The following C1QTNF7 variants were observed in gnomAD, a reference collection of about 807,000 sequenced individuals.
C1QTNF7 encodes complement C1q tumor necrosis factor-related protein 7.
A neutral mutation model predicts 19.6 loss-of-function variants in C1QTNF7; 15 were observed. The ratio of observed to expected loss-of-function variants is 0.76; its 90% CI spans 0.51 to 1.18. The LOEUF (loss-of-function observed/expected upper bound fraction) is 1.18. C1QTNF7 is among the 50% of genes most tolerant of loss of function. The probability of loss-of-function intolerance (pLI) is 0.00; values close to 1 mark genes in which losing one functional copy is unlikely to be tolerated. For synonymous variants in C1QTNF7, 142 were observed against 137.5 expected, an observed-to-expected ratio of 1.03 and a Z score of -0.23; for missense variants, 324 against 359.7, an observed-to-expected ratio of 0.90 and a Z score of 0.80.
At chr4:15,434,354 A>G (rs1712443656) in intron 1 of C1QTNF7, among the ~76,000 whole-genome samples, 1 of 152,194 alleles carries the variant, frequency 6.6e-6, no homozygotes, top group Admixed American at 6.6e-5. Context: ...GTCTAATTCC[A>G]AGATGTTGCA....
At chr4:15,389,441 T>C (rs1718471358) in intron 1 of C1QTNF7, among the ~76,000 whole-genome samples, 1 of 152,020 alleles carries the variant, frequency 6.6e-6, no homozygotes, top group Non-Finnish European at 1.5e-5. Context: ...TTTTTTTAGA[T>C]GGAATTTTGC....
chr4:15,429,628 T>C (rs1712218938), intron 1 of C1QTNF7, among the ~76,000 whole-genome samples: 1 of 152,200 alleles, frequency 6.6e-6, no homozygotes, highest in Non-Finnish European at 1.5e-5. Flanking sequence ...TGTTTATCCA[T>C]TCACCTTTCC....
At position 15,387,855 on chromosome 4, in the gene C1QTNF7, A is replaced by C. The variant is rs570585317; in HGVS notation, c.13+47648A>C. Among the ~76,000 whole-genome samples, 185 of 152,350 alleles carry C rather than the reference A, an allele frequency of 1.2e-3. 1 individual carries two copies. Among genetic ancestry groups the C allele is most frequent in the African/African-American group, 4.0e-3 (167 of 41,582 alleles). On this transcript the variant is annotated intron_variant, in intron 1 of 2. Coordinates refer to the C1QTNF7 transcript ENST00000295297. ...TACTATATCTGTATATATTACATAT[A>C]TATAGATATACAGATATATACATTA...
At position 15,442,370 on chromosome 4, in the gene C1QTNF7, A is replaced by G. The variant is rs1712808608; in HGVS notation, c.441A>G (p.Lys147=). The G allele has an allele frequency of 6.2e-7, 1 of 1,614,064 alleles. No individual in the cohort carries two copies. Among genetic ancestry groups the G allele is most frequent in the African/African-American group, 1.3e-5 (1 of 74,934 alleles). Residue 147 remains lysine (K), a synonymous_variant, in exon 3 of 3, where the codon AAA becomes AAG. Transcript: ENST00000444304. ...GCAGATGTGGAAGCATCGTGCTCAA[A>G]TCCGCCTTTTCTGTTGGCATCACAA... ...GVCRCGSIVL[K]SAFSVGITTS... is the part of the protein sequence containing the mutation.
At chr4:15,404,632 T>C (rs1295253122) in intron 1 of C1QTNF7, among the ~76,000 whole-genome samples, 1 of 152,210 alleles carries the variant, frequency 6.6e-6, no homozygotes, top group African/African-American at 2.4e-5. Context: ...CTAGGATCAC[T>C]TAGTATATTC....
intron 1 of C1QTNF7, among the ~76,000 whole-genome samples, chr4:15,370,779 CG>C (rs2109306116): frequency 6.6e-6 from 1 of 152,252 alleles, no homozygotes; most frequent in African/African-American, 2.4e-5. Flanking sequence ...AAAATATTTT[CG>C]TAGGATTTTT....
chr4:15,389,946 G>A (rs879276133), intron 1 of C1QTNF7, among the ~76,000 whole-genome samples: 5 of 152,058 alleles, frequency 3.3e-5, no homozygotes, highest in African/African-American at 7.2e-5. Flanking sequence ...CACAAATCAG[G>A]GTTATTAGTC....
chr4:15,369,580 G>A (rs1717649467), intron 1 of C1QTNF7, among the ~76,000 whole-genome samples: 1 of 152,118 alleles, frequency 6.6e-6, no homozygotes, highest in Non-Finnish European at 1.5e-5. Context: ...ATTTAAGAAT[G>A]ATTTAAAAAG....
In C1QTNF7 at chr4:15,445,862, T is replaced by C. The variant is rs1241583528; in HGVS notation, c.*3063T>C. ...AAGAGTTTAAAGCCACTTAAGAAGA[T>C]AAATAAGATATAAAAAGAAAACAGC... On this transcript the variant is annotated 3_prime_UTR_variant, in exon 3 of 3. Transcript: ENST00000444304. 6.7e-6 allele frequency: 1 copy of C among 150,092 alleles called. No individual in the cohort carries two copies. Among genetic ancestry groups the C allele is most frequent in the Non-Finnish European group, 1.5e-5 (1 of 67,424 alleles). 9.3% of individuals were successfully genotyped at this position (150,092 alleles called of 1,614,324 possible). A position where few individuals can be genotyped will look rare whatever the true frequency, so the allele number is the denominator to read the frequency against.
intron 1 of C1QTNF7, among the ~76,000 whole-genome samples, chr4:15,368,883 C>A (rs887055206): frequency 1.3e-5 from 2 of 152,198 alleles, no homozygotes; most frequent in African/African-American, 4.8e-5. Flanking sequence ...TTCTTTAGGG[C>A]AGATGGTTCA....
At chr4:15,413,688 G>T (rs1007603479) in intron 1 of C1QTNF7, among the ~76,000 whole-genome samples, 1 of 152,182 alleles carries the variant, frequency 6.6e-6, no homozygotes, top group Admixed American at 6.5e-5. Flanking sequence ...TAAAACACAT[G>T]AGCCACAGAA....
intron 1 of C1QTNF7, among the ~76,000 whole-genome samples, chr4:15,359,726 T>C (rs566401322): frequency 9.8e-5 from 15 of 152,292 alleles, no homozygotes; most frequent in African/African-American, 3.1e-4. Flanking sequence ...TCAAAATCCC[T>C]GGAGTTTTCA....
chr4:15,403,670 T>C (rs1719079063), intron 1 of C1QTNF7, among the ~76,000 whole-genome samples: 1 of 152,162 alleles, frequency 6.6e-6, no homozygotes. Context: ...TAAACCCTAT[T>C]TCAAATTAAG....
At chr4:15,420,414 C>A (rs1711693428) in intron 1 of C1QTNF7, among the ~76,000 whole-genome samples, 1 of 152,168 alleles carries the variant, frequency 6.6e-6, no homozygotes, top group Non-Finnish European at 1.5e-5. Flanking sequence ...CAAAGACATG[C>A]ATTTCCTAGT....
chr4:15,425,760 A>G (rs906899124), upstream of C1QTNF7, among the ~76,000 whole-genome samples: 2 of 152,178 alleles, frequency 1.3e-5, no homozygotes, highest in African/African-American at 4.8e-5. Flanking sequence ...GATGCTTGTC[A>G]TGTCTTAGCA....
At chr4:15,372,247 G>A (rs1717762439) in intron 1 of C1QTNF7, among the ~76,000 whole-genome samples, 1 of 152,142 alleles carries the variant, frequency 6.6e-6, no homozygotes, top group Non-Finnish European at 1.5e-5. Flanking sequence ...AGGAGATAGA[G>A]GCGTTCATAG....
chr4:15,386,799 G>A (rs1211805942), intron 1 of C1QTNF7, among the ~76,000 whole-genome samples: 1 of 152,134 alleles, frequency 6.6e-6, no homozygotes, highest in East Asian at 1.9e-4. Context: ...CTTGAGGAGT[G>A]GCACAGAGAT....
At chr4:15,403,792 C>T (rs940271371) in intron 1 of C1QTNF7, among the ~76,000 whole-genome samples, 2 of 152,288 alleles carry the variant, frequency 1.3e-5, no homozygotes, top group Non-Finnish European at 2.9e-5. Context: ...TGCAATATAG[C>T]TGTGCTCCAA....
At chr4:15,395,357 A>T (rs1718745768) in intron 1 of C1QTNF7, among the ~76,000 whole-genome samples, 1 of 152,208 alleles carries the variant, frequency 6.6e-6, no homozygotes, top group Non-Finnish European at 1.5e-5. Context: ...TGCATTTAAA[A>T]AAAGAGTGCT....
Sources: allele counts gnomAD v4.1 joint callset (sites outside exome capture counted in the v4.1 genomes callset), GRCh38; gene constraint gnomAD v4.1.1; transcripts MANE v1.5; gene names NCBI Gene and HGNC (gene_info 2026-07-23, HGNC 2026-07-21).